The following EIF4E3 variants were observed in gnomAD, a reference collection of about 807,000 sequenced individuals.
EIF4E3 encodes eukaryotic translation initiation factor 4E type 3.
Under a neutral mutation model 31.7 loss-of-function variants are expected in EIF4E3, and 26 were observed. That is an observed-to-expected ratio of 0.82 (90% CI 0.60 to 1.14). EIF4E3 has a LOEUF of 1.14. Among genes scored for constraint, EIF4E3 ranks in the 50% most tolerant of loss-of-function variants. EIF4E3 has a pLI of 0.00. For synonymous variants in EIF4E3, 128 were observed against 107.7 expected (o/e 1.19, Z -1.17); for missense variants, 304 against 270.9 (o/e 1.12, Z -0.86).
intron 2 of EIF4E3, among the ~76,000 whole-genome samples, chr3:71,701,495 C>T (rs1035450719): frequency 2.0e-5 from 3 of 152,154 alleles, no homozygotes; most frequent in African/African-American, 4.8e-5. Context: ...AGAATTACTA[C>T]GCTATGAATG....
chr3:71,699,091 G>A (rs909938184), intron 3 of EIF4E3, among the ~76,000 whole-genome samples: 3 of 151,960 alleles, frequency 2.0e-5, no homozygotes, highest in Non-Finnish European at 4.4e-5. Flanking sequence ...GTTGGGGGTG[G>A]TGGCACACAC....
intron 2 of EIF4E3, 60 bp from the exon 3 acceptor site, chr3:71,699,768 A>T (rs528704059): frequency 7.0e-7 from 1 of 1,426,652 alleles, no homozygotes; most frequent in Non-Finnish European, 9.7e-7. Flanking sequence ...TTATGCTGCT[A>T]GATTATCAAA....
At chr3:71,728,062 A>T (rs1309426918), upstream of EIF4E3, among the ~76,000 whole-genome samples, 1 of 152,212 alleles carries the variant, frequency 6.6e-6, no homozygotes, top group East Asian at 1.9e-4. Context: ...TTAGCCAATG[A>T]AGAAGCATCA....
chr3:71,736,996 T>C (rs534616202), intron 1 of EIF4E3, among the ~76,000 whole-genome samples: 12 of 152,272 alleles, frequency 7.9e-5, no homozygotes, highest in African/African-American at 2.6e-4. Flanking sequence ...TAAAGAAAAA[T>C]ATCAACAGCA....
At chr3:71,732,969 C>A (rs1335731233) in intron 1 of EIF4E3, among the ~76,000 whole-genome samples, 1 of 152,020 alleles carries the variant, frequency 6.6e-6, no homozygotes, top group Non-Finnish European at 1.5e-5. Flanking sequence ...ACATAAAAGT[C>A]AAAAAAAGGT....
At chr3:71,692,782 C>A (rs2049081034) in intron 5 of EIF4E3, among the ~76,000 whole-genome samples, 1 of 151,802 alleles carries the variant, frequency 6.6e-6, no homozygotes, top group African/African-American at 2.4e-5. Flanking sequence ...TTTGTAGAGA[C>A]AAGGGTCTCT....
At chr3:71,731,985 AAT>A (rs976399933) in intron 1 of EIF4E3, among the ~76,000 whole-genome samples, 1 of 152,160 alleles carries the variant, frequency 6.6e-6, no homozygotes, top group African/African-American at 2.4e-5. Context: ...TATACATGGA[AAT>A]ATATATATTC....
intron 2 of EIF4E3, among the ~76,000 whole-genome samples, chr3:71,706,551 T>C (rs2049295561): frequency 6.6e-6 from 1 of 152,158 alleles, no homozygotes; most frequent in South Asian, 2.1e-4. Context: ...CCAAAGTGGT[T>C]CATGCCTGTA....
chr3:71,753,956 CCGGCGGAG>C (rs1456836741), upstream of EIF4E3: 1 of 1,024,374 alleles, frequency 9.8e-7, no homozygotes, highest in Non-Finnish European at 1.2e-6. Flanking sequence ...TCGCCCAGGG[CCGGCGGAG>C]CGGCGGAGCT....
chr3:71,678,219 A>G lies in EIF4E3; in HGVS notation c.*6463T>C, dbSNP rs2048889268. 1 of 152,214 alleles carries G rather than the reference A, an allele frequency of 6.6e-6. No homozygotes were observed. Among genetic ancestry groups the G allele is most frequent in the Admixed American group, 6.5e-5 (1 of 15,280 alleles). 9.4% of individuals were successfully genotyped at this position (152,214 alleles called of 1,614,324 possible). ...TGATTAAACTGCATGAAATTTTTAA[A>G]CTGGAGGATGAAAATGACATTTCTA... On this transcript the variant is annotated 3_prime_UTR_variant, in exon 7 of 7. Transcript: ENST00000425534.
chr3:71,728,077 T>G (rs887512682), upstream of EIF4E3, among the ~76,000 whole-genome samples: 4 of 152,236 alleles, frequency 2.6e-5, no homozygotes, highest in Non-Finnish European at 4.4e-5. Context: ...GCATCACTAT[T>G]TTTATATTTA....
chr3:71,691,011 T>TAAGGGAG (rs2049056821), intron 5 of EIF4E3, among the ~76,000 whole-genome samples: 1 of 152,214 alleles, frequency 6.6e-6, no homozygotes, highest in Non-Finnish European at 1.5e-5. Context: ...TAGTAAGGTG[T>TAAGGGAG]TATACTGTTT....
rs187348398 is a variant in EIF4E3, at chr3:71,750,857, G to A, written c.-291+2606C>T. 7.8e-3 allele frequency among the ~76,000 whole-genome samples: 1,177 copies of A among 150,748 alleles called. 10 individuals carry two copies. Among genetic ancestry groups the A allele is most frequent in the South Asian group, 0.021 (98 of 4,760 alleles). ...CGGCTCACTGCAAGCTCCGCCTCCCGGGTTCATGCCATTCTCCTGCCTCAG... is the reference window on the plus strand; with the variant it reads ...CGGCTCACTGCAAGCTCCGCCTCCCAGGTTCATGCCATTCTCCTGCCTCAG... On this transcript the variant is annotated intron_variant, in intron 1 of 7. Transcript: ENST00000295612.
At chr3:71,673,372 C>CA (rs1209653248), downstream of EIF4E3, among the ~76,000 whole-genome samples, 1 of 152,066 alleles carries the variant, frequency 6.6e-6, no homozygotes. Context: ...GAATTATTGG[C>CA]CAGGAGTCAA....
chr3:71,668,514 T>C, the EIF4E3 span, among the ~76,000 whole-genome samples: 1 of 151,070 alleles, frequency 6.6e-6, no homozygotes, highest in Non-Finnish European at 1.5e-5. Context: ...AGGGCTAATA[T>C]CCAGAATCTA....
chr3:71,667,677 C>T, the EIF4E3 span, among the ~76,000 whole-genome samples: 2 of 152,114 alleles, frequency 1.3e-5, no homozygotes, highest in African/African-American at 2.4e-5. Context: ...AATAAAATAC[C>T]TAGGAATCCA....
intron 1 of EIF4E3, among the ~76,000 whole-genome samples, chr3:71,719,972 C>G (rs1413718983): frequency 6.6e-6 from 1 of 151,924 alleles, no homozygotes; most frequent in African/African-American, 2.4e-5. Context: ...CATGACTGCG[C>G]CACTGCACTC....
the EIF4E3 span, among the ~76,000 whole-genome samples, chr3:71,666,075 A>C: frequency 6.6e-6 from 1 of 152,222 alleles, no homozygotes; most frequent in Non-Finnish European, 1.5e-5. Flanking sequence ...AGCTAGCAGA[A>C]GACAAGAAAT....
At chr3:71,711,380 T>G (rs903330324) in intron 1 of EIF4E3, among the ~76,000 whole-genome samples, 1 of 152,144 alleles carries the variant, frequency 6.6e-6, no homozygotes, top group Admixed American at 6.5e-5. Flanking sequence ...TGGTGAGAAA[T>G]AAGAAGCTTG....
Sources: gnomAD v4.1 joint callset for allele counts (sites outside exome capture counted in the v4.1 genomes callset) on GRCh38, gnomAD v4.1.1 for gene constraint, MANE v1.5 for transcripts, NCBI Gene and HGNC (gene_info 2026-07-23, HGNC 2026-07-21) for gene names.